Variants in GABRA1 observed in about 807,000 individuals in gnomAD.
GABRA1 encodes the protein gamma-aminobutyric acid type A receptor subunit alpha1.
GABRA1 carries 9 observed loss-of-function variants against 48.9 expected under a neutral mutation model. The observed-to-expected ratio is 0.18, with a 90% CI of 0.11 to 0.32. GABRA1 has a LOEUF of 0.32. Ranked by LOEUF, GABRA1 falls within the 10% of genes least tolerant of loss-of-function variation. The probability of loss-of-function intolerance (pLI) is 1.00; values close to 1 mark genes in which losing one functional copy is unlikely to be tolerated. For synonymous variants in GABRA1, 210 were observed against 198.7 expected, an observed-to-expected ratio of 1.06 and a Z score of -0.48; for missense variants, 285 against 553.8, an observed-to-expected ratio of 0.51 and a Z score of 4.87.
chr5:161,871,842 T>C (rs1373292477), intron 4 of GABRA1, among the ~76,000 whole-genome samples: 2 of 152,168 alleles, frequency 1.3e-5, no homozygotes, highest in African/African-American at 2.4e-5. Flanking sequence ...ATTAGTACTA[T>C]ATCTGGTGCA....
intron 2 of GABRA1, 39 bp downstream of exon 2, chr5:161,850,923 GT>G: frequency 6.5e-7 from 1 of 1,532,578 alleles, no homozygotes; most frequent in Non-Finnish European, 9.0e-7. Context: ...GAAAATTTCT[GT>G]AACTTTTCAT....
chr5:161,855,221 G>A (rs369399652), intron 3 of GABRA1, among the ~76,000 whole-genome samples: 62 of 151,648 alleles, frequency 4.1e-4, no homozygotes, highest in African/African-American at 1.3e-3. Context: ...GCACAGATAA[G>A]CAAAGAATAA....
At chr5:161,892,615 G>A (rs1473731155) in intron 8 of GABRA1, among the ~76,000 whole-genome samples, 1 of 152,244 alleles carries the variant, frequency 6.6e-6, no homozygotes, top group East Asian at 1.9e-4. Context: ...TAAAGACGAA[G>A]TCTTGTTAAG....
intron 6 of GABRA1, among the ~76,000 whole-genome samples, chr5:161,880,275 A>G (rs1754555703): frequency 6.6e-6 from 1 of 152,224 alleles, no homozygotes; most frequent in Non-Finnish European, 1.5e-5. Flanking sequence ...ATGTTACCAT[A>G]AACTCATTAT....
chr5:161,889,647 T>C (rs1021466035), intron 7 of GABRA1, among the ~76,000 whole-genome samples: 3 of 152,080 alleles, frequency 2.0e-5, no homozygotes, highest in Non-Finnish European at 2.9e-5. Context: ...ATTAGAACTA[T>C]GCTATGCATA....
rs903295997 is a variant in GABRA1 at position 161,899,033 on chromosome 5, G to T, written c.*1611G>T. The T allele has an allele frequency of 6.6e-6, 1 of 152,476 alleles. No individual in the cohort carries two copies. The highest frequency in any genetic ancestry group is 2.4e-5 in the African/African-American group (1 of 41,424). 9.4% of individuals were successfully genotyped at this position (152,476 alleles called of 1,614,324 possible). ...TTAGAGATAAATATTTATGCAGAAGGTATTTTTGAAGTCTCCTTTTGTCTG... is the reference window on the plus strand; with the variant it reads ...TTAGAGATAAATATTTATGCAGAAGTTATTTTTGAAGTCTCCTTTTGTCTG... On this transcript the variant is annotated 3_prime_UTR_variant, in exon 10 of 10. Transcript: ENST00000393943.
intron 2 of GABRA1, among the ~76,000 whole-genome samples, chr5:161,852,014 A>T (rs1757464283): frequency 6.6e-6 from 1 of 152,140 alleles, no homozygotes; most frequent in Non-Finnish European, 1.5e-5. Flanking sequence ...CTACATTGGG[A>T]TGAGTGTTTA....
intron 3 of GABRA1, among the ~76,000 whole-genome samples, 188 bp from the exon 4 acceptor site, chr5:161,865,533 C>A (rs1244416481): frequency 3.3e-5 from 5 of 152,098 alleles, no homozygotes; most frequent in Non-Finnish European, 5.9e-5. Context: ...AGGCTTCATT[C>A]TCCATAGAAA....
At chr5:161,853,571 T>A (rs1757533118) in intron 2 of GABRA1, 1 of 151,908 alleles carries the variant, frequency 6.6e-6, no homozygotes, top group Non-Finnish European at 1.5e-5. Context: ...CAAATTTTAA[T>A]CATTGGGTCA....
chr5:161,856,167 C>A (rs1427728614), intron 3 of GABRA1, among the ~76,000 whole-genome samples: 1 of 151,038 alleles, frequency 6.6e-6, no homozygotes, highest in Non-Finnish European at 1.5e-5. Context: ...CCTGGAGAGC[C>A]ATAGAACTTG....
chr5:161,864,890 G>T (rs1757994729), intron 3 of GABRA1, among the ~76,000 whole-genome samples: 2 of 151,706 alleles, frequency 1.3e-5, no homozygotes, highest in Admixed American at 1.3e-4. Context: ...ATACTGCACT[G>T]CATTTTTCAG....
At chr5:161,867,612 T>C (rs1293751082) in intron 4 of GABRA1, among the ~76,000 whole-genome samples, 1 of 152,120 alleles carries the variant, frequency 6.6e-6, no homozygotes, top group Non-Finnish European at 1.5e-5. Flanking sequence ...AAATAAAGTG[T>C]CTATCAATAG....
intron 6 of GABRA1, among the ~76,000 whole-genome samples, chr5:161,877,373 C>T (rs1561577615): frequency 6.6e-6 from 1 of 152,124 alleles, no homozygotes; most frequent in Non-Finnish European, 1.5e-5. Context: ...GAGAGTTTAT[C>T]ATTTTATATA....
At position 161,882,733 on chromosome 5, in the gene GABRA1, GGAA is replaced by G. The variant is rs759914626; in HGVS notation, c.703+42_703+44del. On this transcript the variant is annotated intron_variant, in intron 7 of 9. Transcript: ENST00000393943. ...ACGATTTTGTTACTTCAGTTATGGAGGAAGAAGAAGAATAATATTTTGTGAGAA... is the reference window on the plus strand; with the variant it reads ...ACGATTTTGTTACTTCAGTTATGGAGGAAGAAGAATAATATTTTGTGAGAA... The G allele has an allele frequency of 1.3e-5, 21 of 1,584,308 alleles. No homozygotes were observed. The African/African-American group carries it at 2.2e-4, about 16-fold the overall frequency.
At chr5:161,878,870 A>C (rs995168618) in intron 6 of GABRA1, among the ~76,000 whole-genome samples, 3 of 152,200 alleles carry the variant, frequency 2.0e-5, no homozygotes, top group Non-Finnish European at 4.4e-5. Flanking sequence ...TCAAAAAACA[A>C]TGCATTGCAA....
intron 1 of GABRA1, chr5:161,849,121 T>C: frequency 3.2e-6 from 1 of 310,214 alleles, no homozygotes; most frequent in Non-Finnish European, 6.3e-6. Context: ...TTTTAAACTA[T>C]TATGTTTGTA....
intron 1 of GABRA1, chr5:161,850,019 A>T (rs1757371579): frequency 6.6e-6 from 1 of 152,070 alleles, no homozygotes; most frequent in Non-Finnish European, 1.5e-5. Context: ...AACATTTTCT[A>T]GCAGCAACCT....
chr5:161,895,646 G>A lies in GABRA1; in HGVS notation c.857-20G>A. The A allele has an allele frequency of 7.7e-7, 1 of 1,291,530 alleles. No homozygotes were observed. The highest frequency in any genetic ancestry group is 1.3e-5 in the South Asian group (1 of 76,382). 80.0% of individuals were successfully genotyped at this position (1,291,530 alleles called of 1,614,324 possible). On this transcript the variant is annotated intron_variant, in intron 8 of 9. Coordinates refer to ENST00000393943, the MANE Select transcript of GABRA1 (RefSeq NM_001127644.2). ...CACAGTATGAACTGGCATCATGTATGTTTTTTTTTTTCTTTACAGGAGTAA... is the reference window on the plus strand; with the variant it reads ...CACAGTATGAACTGGCATCATGTATATTTTTTTTTTTCTTTACAGGAGTAA...
intron 3 of GABRA1, among the ~76,000 whole-genome samples, chr5:161,857,598 A>AT (rs2113321746): frequency 1.3e-5 from 2 of 151,750 alleles, no homozygotes; most frequent in South Asian, 4.1e-4. Context: ...CCAGGAAGGG[A>AT]TTTTTAAAGG....
Sources: allele counts gnomAD v4.1 joint callset (sites outside exome capture counted in the v4.1 genomes callset), GRCh38; gene constraint gnomAD v4.1.1; transcripts MANE v1.5; gene names NCBI Gene and HGNC (gene_info 2026-07-23, HGNC 2026-07-21).